Variants in DCLK2 observed in about 807,000 individuals in gnomAD.
The protein encoded by DCLK2 is serine/threonine-protein kinase DCLK2.
Under a neutral mutation model 78.4 loss-of-function variants are expected in DCLK2, and 31 were observed. That is an observed-to-expected ratio of 0.40 (90% CI 0.30 to 0.53). The LOEUF is 0.53. Ranked by LOEUF, DCLK2 falls within the 20% of genes least tolerant of loss-of-function variation. DCLK2 has a pLI of 0.61. For missense variants in DCLK2, 872 were observed against 973.7 expected, an observed-to-expected ratio of 0.90 and a Z score of 1.39; for synonymous variants, 407 against 374.9, an observed-to-expected ratio of 1.09 and a Z score of -0.99.
At chr4:150,193,065 T>G (rs1436927366) in intron 2 of DCLK2, 73 bp from the exon 3 acceptor site, 4 of 899,182 alleles carry the variant, frequency 4.4e-6, no homozygotes, top group Non-Finnish European at 7.1e-6. Flanking sequence ...GGCTTAAAAA[T>G]TCATTTAGTT....
chr4:150,156,645 C>T (rs540979166), intron 2 of DCLK2, among the ~76,000 whole-genome samples: 3 of 151,672 alleles, frequency 2.0e-5, no homozygotes, highest in East Asian at 1.9e-4. Context: ...CCTGCAGCCT[C>T]GACAATAGAC....
intron 2 of DCLK2, among the ~76,000 whole-genome samples, chr4:150,158,836 G>A (rs1735505100): frequency 6.6e-6 from 1 of 151,908 alleles, no homozygotes; most frequent in Admixed American, 6.6e-5. Flanking sequence ...CTCCAGCTGA[G>A]GTGACAGTGA....
At position 150,248,384 on chromosome 4, in the gene DCLK2, C is replaced by T. The variant is rs370305193; in HGVS notation, c.1955C>T (p.Ser652Leu). 6.2e-7 allele frequency: 1 copy of T among 1,613,310 alleles called. No individual in the cohort carries two copies. Among genetic ancestry groups the T allele is most frequent in the African/African-American group, 1.3e-5 (1 of 74,928 alleles). Residue 652 changes from serine (S) to leucine (L), a missense_variant and splice_region_variant, in exon 14 of 16, where the codon TCA becomes TTA. Ser to Leu is a moderately radical substitution (Grantham distance 145). This residue lies in a region of DCLK2 where 219 missense variants were observed against 230.1 expected (regional missense o/e 0.95). Transcript: ENST00000296550. ...AGQILSHPWV[S>L]DDASQENNMQ... ...CAAATCCTGAGTCACCCCTGGGTGT[C>T]AGTAAGTACCCACATTCCCAGGGAA...
rs748223675 is a variant in DCLK2 at position 150,193,121 on chromosome 4, A to G, written c.757-17A>G. ...AATGTGTCTAATTTATTTCTTGGAC[A>G]TGATTTTTGTTCTCAGGTTACTTGT... is the stretch of plus-strand genomic sequence containing the variant. On this transcript the variant is annotated splice_polypyrimidine_tract_variant and intron_variant, in intron 2 of 15. Coordinates refer to ENST00000296550, the MANE Select transcript of DCLK2 (RefSeq NM_001040260.4). The G allele has an allele frequency of 6.7e-7, 1 of 1,493,772 alleles. No homozygotes were observed. 92.5% of individuals were successfully genotyped at this position (1,493,772 alleles called of 1,614,324 possible).
intron 12 of DCLK2, among the ~76,000 whole-genome samples, chr4:150,242,491 T>C (rs940051557): frequency 6.6e-6 from 1 of 152,090 alleles, no homozygotes; most frequent in African/African-American, 2.4e-5. Flanking sequence ...AAGTTAGGAG[T>C]GTGAAACAAT....
chr4:150,247,328 A>T (rs1743395850), intron 12 of DCLK2, among the ~76,000 whole-genome samples: 1 of 152,180 alleles, frequency 6.6e-6, no homozygotes, highest in Non-Finnish European at 1.5e-5. Flanking sequence ...GAACTTTTCC[A>T]TCTTCCCAAA....
intron 2 of DCLK2, among the ~76,000 whole-genome samples, chr4:150,172,607 C>CAAAA (rs34267089): frequency 1.4e-4 from 10 of 70,120 alleles, no homozygotes; most frequent in Admixed American, 1.7e-4. Context: ...GACTCCGTCT[C>CAAAA]AAAAAAAAAA....
chr4:150,163,397 C>G (rs1175959661), intron 2 of DCLK2, among the ~76,000 whole-genome samples: 2 of 138,184 alleles, frequency 1.4e-5, no homozygotes, highest in African/African-American at 5.5e-5. Context: ...GACTCCGTCT[C>G]AAAATAAATA....
intron 4 of DCLK2, chr4:150,198,915 C>CA (rs11452509): frequency 5.2e-6 from 3 of 579,624 alleles, no homozygotes; most frequent in East Asian, 6.9e-5. Flanking sequence ...TCAGCACCCC[C>CA]CCCCCCACTT....
At chr4:150,185,128 A>C (rs1261956583) in intron 2 of DCLK2, among the ~76,000 whole-genome samples, 1 of 152,218 alleles carries the variant, frequency 6.6e-6, no homozygotes, top group Non-Finnish European at 1.5e-5. Context: ...ACGGTTCAGC[A>C]TGGCTGGGGA....
intron 2 of DCLK2, among the ~76,000 whole-genome samples, chr4:150,128,457 C>T (rs563616888): frequency 6.6e-6 from 1 of 152,164 alleles, no homozygotes; most frequent in Admixed American, 6.5e-5. Flanking sequence ...TGGACCTCAT[C>T]CATTGGGCTA....
At chr4:150,253,545 A>G in intron 15 of DCLK2, 1 of 1,289,656 alleles carries the variant, frequency 7.8e-7, no homozygotes, top group Non-Finnish European at 1.0e-6. Flanking sequence ...GAGAGCCTGA[A>G]GCAGAATCCT....
intron 10 of DCLK2, among the ~76,000 whole-genome samples, chr4:150,239,505 G>T (rs1198834886): frequency 6.6e-6 from 1 of 152,056 alleles, no homozygotes; most frequent in Non-Finnish European, 1.5e-5. Context: ...GGGGTTCCGT[G>T]GGGGAAGGAT....
intron 8 of DCLK2, among the ~76,000 whole-genome samples, chr4:150,230,364 T>G (rs530715182): frequency 6.6e-6 from 1 of 152,296 alleles, no homozygotes; most frequent in Non-Finnish European, 1.5e-5. Context: ...CTTGGGGTAC[T>G]GGTGAGGGGA....
At chr4:150,167,225 C>T (rs1175025287) in intron 2 of DCLK2, among the ~76,000 whole-genome samples, 1 of 152,184 alleles carries the variant, frequency 6.6e-6, no homozygotes, top group Non-Finnish European at 1.5e-5. Flanking sequence ...AGCCTGGCAG[C>T]AGGCCTGCAG....
intron 5 of DCLK2, among the ~76,000 whole-genome samples, chr4:150,218,740 A>C (rs1740941265): frequency 1.3e-5 from 2 of 152,176 alleles, no homozygotes; most frequent in Non-Finnish European, 2.9e-5. Context: ...GGGCTGTGAG[A>C]TTTAAGACAT....
chr4:150,190,982 T>A (rs6535718), intron 2 of DCLK2, among the ~76,000 whole-genome samples: 4 of 151,840 alleles, frequency 2.6e-5, no homozygotes, highest in Non-Finnish European at 5.9e-5. Context: ...AAGATTTAGC[T>A]AGGCATGGTG....
intron 15 of DCLK2, among the ~76,000 whole-genome samples, chr4:150,250,808 G>T (rs749526796): frequency 6.7e-6 from 1 of 150,296 alleles, no homozygotes; most frequent in African/African-American, 2.5e-5. Flanking sequence ...CTAGGAAGAC[G>T]CAGGGTCTAG....
At chr4:150,122,237 G>A (rs1437373605) in intron 2 of DCLK2, among the ~76,000 whole-genome samples, 2 of 152,124 alleles carry the variant, frequency 1.3e-5, no homozygotes, top group African/African-American at 2.4e-5. Context: ...CAACAATAGA[G>A]CATATATGCT....
Sources: allele counts gnomAD v4.1 joint callset (sites outside exome capture counted in the v4.1 genomes callset), GRCh38; gene constraint gnomAD v4.1.1; regional missense constraint gnomAD v4.1.1; transcripts MANE v1.5; gene names NCBI Gene and HGNC (gene_info 2026-07-23, HGNC 2026-07-21).